Variants in ZCCHC7 observed in about 807,000 individuals in gnomAD.
The protein encoded by ZCCHC7 is zinc finger CCHC-type containing 7.
In ZCCHC7, 35 loss-of-function variants were observed where a neutral mutation model predicts 52.0. The observed-to-expected ratio is 0.67, with a 90% CI of 0.51 to 0.89. The LOEUF is 0.89. ZCCHC7 is among the 40% of genes least tolerant of loss of function. The pLI is 0.00. For missense variants in ZCCHC7, 574 were observed against 649.1 expected (o/e 0.88, Z 1.26); for synonymous variants, 217 against 221.5 (o/e 0.98, Z 0.18).
intron 2 of ZCCHC7, among the ~76,000 whole-genome samples, chr9:37,188,586 C>T (rs1202195674): frequency 1.7e-5 from 1 of 60,354 alleles, no homozygotes; most frequent in African/African-American, 7.0e-5. Flanking sequence ...ACCTCCCCTA[C>T]CCTCCCCATC....
intron 5 of ZCCHC7, among the ~76,000 whole-genome samples, chr9:37,306,577 T>TGCCTCAG: frequency 6.6e-6 from 1 of 151,586 alleles, no homozygotes; most frequent in African/African-American, 2.4e-5. Context: ...GCGATTCTCC[T>TGCCTCAG]GCCTCAGCCT....
intron 5 of ZCCHC7, among the ~76,000 whole-genome samples, chr9:37,325,078 G>A (rs1300023262): frequency 6.6e-6 from 1 of 152,150 alleles, no homozygotes; most frequent in Non-Finnish European, 1.5e-5. Flanking sequence ...CAATTCATCT[G>A]GTGTGGCAAA....
rs1278644965 is a variant in ZCCHC7 at position 37,137,232 on chromosome 9, C to T, written c.610+10290C>T. ...ATATATGAGATGCTCCAGCAGAATACGTAATCATTCCAGGTGAATGCAGTA... is the reference window on the plus strand; with the variant it reads ...ATATATGAGATGCTCCAGCAGAATATGTAATCATTCCAGGTGAATGCAGTA... On this transcript the variant is annotated intron_variant, in intron 2 of 8. Transcript: ENST00000336755. 4.6e-5 allele frequency among the ~76,000 whole-genome samples: 7 copies of T among 152,210 alleles called. 1 individual carries two copies. The South Asian group carries it at 6.2e-4, about 14-fold the overall frequency.
intron 2 of ZCCHC7, among the ~76,000 whole-genome samples, chr9:37,223,035 CTA>C (rs1199799554): frequency 6.6e-5 from 10 of 152,052 alleles, no homozygotes; most frequent in African/African-American, 1.9e-4. Flanking sequence ...ATGTATATGG[CTA>C]TGAGTTTTAG....
At position 37,205,577 on chromosome 9, in the gene ZCCHC7, C is replaced by CTCACTGGATG. The variant is rs1195758956; in HGVS notation, c.610+78635_610+78636insTCACTGGATG. On this transcript the variant is annotated intron_variant, in intron 2 of 8. Coordinates refer to ENST00000336755, the MANE Select transcript of ZCCHC7 (RefSeq NM_032226.3). ...AGTCGCCCAGGTTGCAATGCAGAGG[C>CTCACTGGATG]ACAATCTCAGCTCACTGCAACCTCC... Among the ~76,000 whole-genome samples, 508 of 152,314 alleles carry CTCACTGGATG rather than the reference C, an allele frequency of 3.3e-3. 3 individuals carry two copies. Among genetic ancestry groups the CTCACTGGATG allele is most frequent in the Non-Finnish European group, 4.7e-3 (317 of 68,030 alleles).
At chr9:37,258,391 G>A (rs975841924) in intron 2 of ZCCHC7, among the ~76,000 whole-genome samples, 6 of 152,094 alleles carry the variant, frequency 3.9e-5, no homozygotes, top group African/African-American at 1.4e-4. Context: ...AGATTCAAGA[G>A]GCATATCAAA....
chr9:37,337,380 CCCACCCCACCCTACCCA>C, intron 6 of ZCCHC7, among the ~76,000 whole-genome samples: 2 of 32,468 alleles, frequency 6.2e-5, no homozygotes, highest in African/African-American at 1.1e-4. Flanking sequence ...CTTCTGTTAT[CCCACCCCACCCTACCCA>C]CCCACCCCCC....
chr9:37,172,539 G>A (rs369476076), intron 2 of ZCCHC7, among the ~76,000 whole-genome samples: 2 of 152,124 alleles, frequency 1.3e-5, no homozygotes, highest in African/African-American at 2.4e-5. Context: ...GAATATACAC[G>A]GTGTCTTGCA....
intron 2 of ZCCHC7, among the ~76,000 whole-genome samples, chr9:37,238,767 A>G (rs1476793851): frequency 6.6e-6 from 1 of 152,176 alleles, no homozygotes; most frequent in African/African-American, 2.4e-5. Context: ...CAGACTTGGC[A>G]TGTCGAATAA....
chr9:37,296,773 C>T (rs1045889213), intron 2 of ZCCHC7, among the ~76,000 whole-genome samples: 1 of 152,144 alleles, frequency 6.6e-6, no homozygotes, highest in Non-Finnish European at 1.5e-5. Flanking sequence ...GCGGCAGTGG[C>T]ACCATGTTGG....
intron 2 of ZCCHC7, among the ~76,000 whole-genome samples, chr9:37,267,537 C>CT (rs1394304151): frequency 6.6e-6 from 1 of 150,402 alleles, no homozygotes; most frequent in Non-Finnish European, 1.5e-5. Context: ...TCCTGGGTAG[C>CT]TGGGACTACC....
At chr9:37,218,191 G>A (rs1329090673) in intron 2 of ZCCHC7, among the ~76,000 whole-genome samples, 1 of 152,026 alleles carries the variant, frequency 6.6e-6, no homozygotes. Context: ...TGATTGTCAA[G>A]TAGCAGATAG....
chr9:37,247,911 A>G (rs1826148221), intron 2 of ZCCHC7, among the ~76,000 whole-genome samples: 1 of 151,970 alleles, frequency 6.6e-6, no homozygotes, highest in South Asian at 2.1e-4. Context: ...AAAAAAAGTA[A>G]AAGTAAAAAT....
At chr9:37,172,738 T>A (rs1344181636) in intron 2 of ZCCHC7, among the ~76,000 whole-genome samples, 1 of 151,280 alleles carries the variant, frequency 6.6e-6, no homozygotes. Context: ...ATCGTGGGCA[T>A]TCCAGTTGTT....
intron 2 of ZCCHC7, among the ~76,000 whole-genome samples, chr9:37,200,465 G>C (rs942267800): frequency 1.8e-4 from 28 of 152,114 alleles, no homozygotes; most frequent in African/African-American, 6.8e-4. Flanking sequence ...AATCCCAGCT[G>C]TTCTCCATCA....
At chr9:37,278,748 A>G (rs1162773059) in intron 2 of ZCCHC7, among the ~76,000 whole-genome samples, 1 of 152,236 alleles carries the variant, frequency 6.6e-6, no homozygotes, top group African/African-American at 2.4e-5. Flanking sequence ...ATTAGAAACA[A>G]TGGAGGCCAA....
At chr9:37,352,085 A>T (rs1292507720) in intron 7 of ZCCHC7, among the ~76,000 whole-genome samples, 1 of 152,220 alleles carries the variant, frequency 6.6e-6, no homozygotes, top group Admixed American at 6.5e-5. Flanking sequence ...AATGGAGGGG[A>T]CCAGCGATGT....
At chr9:37,190,877 C>T (rs1053440035) in intron 2 of ZCCHC7, among the ~76,000 whole-genome samples, 2 of 152,032 alleles carry the variant, frequency 1.3e-5, no homozygotes, top group Admixed American at 6.6e-5. Flanking sequence ...ACCAAATTAG[C>T]TGGGCGTGGT....
intron 2 of ZCCHC7, among the ~76,000 whole-genome samples, chr9:37,253,797 T>A (rs1029960060): frequency 2.6e-5 from 4 of 151,988 alleles, no homozygotes; most frequent in Non-Finnish European, 4.4e-5. Flanking sequence ...TAGATATGAA[T>A]GTTACCTCCT....
Sources: allele counts gnomAD v4.1 joint callset (sites outside exome capture counted in the v4.1 genomes callset), GRCh38; gene constraint gnomAD v4.1.1; transcripts MANE v1.5; gene names NCBI Gene and HGNC (gene_info 2026-07-23, HGNC 2026-07-21).